ZNF77: variants seen among roughly 807,000 people sequenced by gnomAD.
ZNF77 encodes the protein ZNFpT1.
ZNF77 carries 15 observed loss-of-function variants against 13.5 expected under a neutral mutation model. The observed-to-expected ratio is 1.11, with a 90% CI of 0.74 to 1.71. ZNF77 has a LOEUF of 1.71. ZNF77 is among the 40% of genes most tolerant of loss of function. The pLI is 0.00. For synonymous variants in ZNF77, 282 were observed against 250.0 expected, an observed-to-expected ratio of 1.13 and a Z score of -1.21; for missense variants, 717 against 676.4, an observed-to-expected ratio of 1.06 and a Z score of -0.67.
chr19:2,939,745 G>A (rs1469498906), intron 1 of ZNF77: 11 of 299,342 alleles, frequency 3.7e-5, no homozygotes, highest in South Asian at 1.0e-4. Flanking sequence ...GCTCAGGTGC[G>A]AGGATTGCTT....
Position 2,933,264 on chromosome 19 carries a change from CA to C in ZNF77, c.*224del. The stretch of plus-strand genomic sequence containing the variant: ...ATTTATTAAATGTTTATATCACAAA[CA>C]TACACTAGAAATTAATACAAAAGGA... On this transcript the variant is annotated 3_prime_UTR_variant, in exon 4 of 4. Coordinates refer to ENST00000314531, the MANE Select transcript of ZNF77 (RefSeq NM_021217.3). 2.3e-6 allele frequency: 1 copy of C among 428,568 alleles called. No individual in the cohort carries two copies. Among genetic ancestry groups the C allele is most frequent in the Non-Finnish European group, 4.1e-6 (1 of 246,142 alleles). The allele number at this position is 428,568 out of a possible 1,614,324, so 26.5% of individuals were successfully genotyped here.
chr19:2,938,216 AT>A (rs1284101822), intron 2 of ZNF77, among the ~76,000 whole-genome samples: 3 of 152,156 alleles, frequency 2.0e-5, no homozygotes, highest in Non-Finnish European at 4.4e-5. Context: ...AGCACCACCC[AT>A]TCCTGGAGAA....
At chr19:2,942,108 G>A (rs1230470924) in intron 1 of ZNF77, among the ~76,000 whole-genome samples, 2 of 149,546 alleles carry the variant, frequency 1.3e-5, no homozygotes, top group East Asian at 2.0e-4. Flanking sequence ...GTCTTGCTCC[G>A]TCTCCCAGGC....
Position 2,934,738 on chromosome 19 carries a change from A to C in ZNF77, c.389T>G (p.Leu130Arg). 4.3e-6 allele frequency: 7 copies of C among 1,614,206 alleles called. No individual in the cohort carries two copies. The highest frequency in any genetic ancestry group is 5.1e-6 in the Non-Finnish European group (6 of 1,180,028). The change falls in exon 4 of 4, where the codon CTT (leucine) becomes CGT (arginine). Residue 130 changes from leucine (L) to arginine (R), a missense_variant. Transcript: ENST00000314531. ...GETLSQTANL[L>R]VHKSYPTEAK... ...TTCGGTAGGGTAACTCTTGTGCACAAGAAGGTTCGCAGTCTGGCTCAAGGT... is the reference window on the plus strand; with the variant it reads ...TTCGGTAGGGTAACTCTTGTGCACACGAAGGTTCGCAGTCTGGCTCAAGGT...
In ZNF77 at chr19:2,934,409, G is replaced by C. The variant is rs1452369934; in HGVS notation, c.718C>G (p.His240Asp). 1 of 1,614,156 alleles carries C rather than the reference G, an allele frequency of 6.2e-7. No individual in the cohort carries two copies. Among genetic ancestry groups the C allele is most frequent in the East Asian group, 2.2e-5 (1 of 44,890 alleles). The change falls in exon 4 of 4, where the codon CAT (histidine) becomes GAT (aspartate). Residue 240 changes from histidine to aspartate, a missense_variant. Transcript: ENST00000314531. ...GTCTTCCCACATACTTTACATGCAT[G>C]GGTTTTCTGCCCATGATGACTATTC... ...HVNSHHGQKT[H>D]ACKVCGKTFM... is the part of the protein sequence containing the mutation.
chr19:2,938,989 G>T (rs1301664491), intron 2 of ZNF77, among the ~76,000 whole-genome samples: 1 of 151,772 alleles, frequency 6.6e-6, no homozygotes, highest in African/African-American at 2.4e-5. Flanking sequence ...GAAAACCAAG[G>T]TCTCTTTGCT....
At position 2,934,436 on chromosome 19, in the gene ZNF77, C is replaced by T. The variant is rs1307920121; in HGVS notation, c.691G>A (p.Val231Met). 6.2e-7 allele frequency: 1 copy of T among 1,614,118 alleles called. No homozygotes were observed. The highest frequency in any genetic ancestry group is 8.5e-7 in the Non-Finnish European group (1 of 1,180,050). Residue 231 changes from valine (V) to methionine (M), a missense_variant, in exon 4 of 4, where the codon GTG becomes ATG. Coordinates refer to ENST00000314531, the MANE Select transcript of ZNF77 (RefSeq NM_021217.3). ...GTTTTCTGCCCATGATGACTATTCA[C>T]ATGTCCCCTGAAAGATGAGGGACAA... Reference protein sequence around the residue: ...FICPSSFRGHVNSHHGQKTHA... With the variant: ...FICPSSFRGHMNSHHGQKTHA...
rs1479563411 is a variant in ZNF77, at chr19:2,933,669, G to A, written c.1458C>T (p.His486=). ...TACATTCGTAGGGTTTGACCCCACT[G>A]TGTGATCTCACATGCTTTTGAAAGT... ...AQYFQKHVRS[H]SGVKPYECTE... is the part of the protein sequence containing the mutation. The change falls in exon 4 of 4, where the codon CAC becomes CAT. Residue 486 remains histidine (H), a synonymous_variant. Coordinates refer to ENST00000314531, the MANE Select transcript of ZNF77 (RefSeq NM_021217.3). 5 of 1,613,146 alleles carry A rather than the reference G, an allele frequency of 3.1e-6. No homozygotes were observed. Among genetic ancestry groups the A allele is most frequent in the South Asian group, 2.2e-5 (2 of 91,018 alleles).
chr19:2,938,771 A>G (rs551467181), intron 2 of ZNF77, among the ~76,000 whole-genome samples: 4 of 152,214 alleles, frequency 2.6e-5, no homozygotes, highest in East Asian at 3.9e-4. Flanking sequence ...CCTGGCTAAC[A>G]CGGTGAAACC....
At chr19:2,939,514 T>C in intron 1 of ZNF77, 107 bp from the exon 2 acceptor site, 1 of 1,520,852 alleles carries the variant, frequency 6.6e-7, no homozygotes, top group Non-Finnish European at 8.9e-7. Context: ...ACAGAGCTTA[T>C]GTCCTTGTGA....
chr19:2,933,912 C>T lies in ZNF77; in HGVS notation c.1215G>A (p.Val405=). ...CACACTCTTTACATTGATAGGGCTTCACCCCGCTGTGTGTTTTCACATGTC... is the reference window on the plus strand; with the variant it reads ...CACACTCTTTACATTGATAGGGCTTTACCCCGCTGTGTGTTTTCACATGTC... ...FRRHVKTHSG[V]KPYQCKECGK... Residue 405 remains valine, a synonymous_variant, in exon 4 of 4, where the codon GTG becomes GTA. Transcript: ENST00000314531. 1 of 1,613,712 alleles carries T rather than the reference C, an allele frequency of 6.2e-7. No homozygotes were observed. Among genetic ancestry groups the T allele is most frequent in the Non-Finnish European group, 8.5e-7 (1 of 1,179,976 alleles).
intron 1 of ZNF77, among the ~76,000 whole-genome samples, chr19:2,943,267 C>A (rs1462929784): frequency 1.3e-5 from 2 of 151,612 alleles, no homozygotes; most frequent in Non-Finnish European, 2.9e-5. Context: ...TGCCTCTAAT[C>A]CAACTAACCC....
chr19:2,939,093 ACGC>A, intron 2 of ZNF77, among the ~76,000 whole-genome samples, 185 bp downstream of exon 2: 1 of 113,198 alleles, frequency 8.8e-6, no homozygotes, highest in Non-Finnish European at 2.0e-5. Flanking sequence ...TGAGGGAATG[ACGC>A]CACCCTTACC....
At chr19:2,935,983 C>G (rs2088392890) in intron 3 of ZNF77, among the ~76,000 whole-genome samples, 1 of 151,458 alleles carries the variant, frequency 6.6e-6, no homozygotes, top group African/African-American at 2.4e-5. Context: ...TGCCACTGCA[C>G]TTCAGCCTGG....
At position 2,936,533 on chromosome 19, in the gene ZNF77, C is replaced by T; in HGVS notation, c.302G>A (p.Arg101Lys). ...GTTGAGCGCCACTCACCTCAGATGCCTCTGTGGGATTTGGTGCTGATCTCC... is the reference window on the plus strand; with the variant it reads ...GTTGAGCGCCACTCACCTCAGATGCTTCTGTGGGATTTGGTGCTGATCTCC... ...NTGDQHQIPQRHLRSQLGRLC... is the reference protein window; with the variant it reads ...NTGDQHQIPQKHLRSQLGRLC... The change falls in exon 3 of 4, where the codon AGG becomes AAG. Residue 101 changes from arginine (R) to lysine (K), a missense_variant. Physicochemically the swap from Arg to Lys is conservative, Grantham distance 26 (BLOSUM62 2). Transcript: ENST00000314531. The T allele has an allele frequency of 1.9e-6, 3 of 1,601,162 alleles. No individual in the cohort carries two copies. Among genetic ancestry groups the T allele is most frequent in the South Asian group, 2.3e-5 (2 of 88,148 alleles).
intron 1 of ZNF77, among the ~76,000 whole-genome samples, chr19:2,941,305 G>A (rs944358480): frequency 4.6e-5 from 7 of 150,974 alleles, no homozygotes; most frequent in African/African-American, 7.3e-5. Context: ...TGGTGAAACC[G>A]CACCGCTACT....
chr19:2,940,397 G>A (rs115805239), intron 1 of ZNF77, among the ~76,000 whole-genome samples: 2,023 of 151,928 alleles, frequency 0.013, 66 homozygotes, highest in African/African-American at 0.045. Context: ...AGGATAGGCC[G>A]GGCGTGGTGG....
In ZNF77 at chr19:2,933,917, C is replaced by T. The variant is rs745703143; in HGVS notation, c.1210G>A (p.Gly404Arg). Residue 404 changes from glycine to arginine, a missense_variant, in exon 4 of 4, where the codon GGG (glycine) becomes AGG (arginine). By Grantham distance (125) the Gly-to-Arg change is moderately radical (BLOSUM62 -2). Transcript: ENST00000314531. ...TCTTTACATTGATAGGGCTTCACCC[C>T]GCTGTGTGTTTTCACATGTCTTCTA... ...YFRRHVKTHS[G>R]VKPYQCKECG... 1.7e-5 allele frequency: 28 copies of T among 1,613,772 alleles called. No individual in the cohort carries two copies. Among genetic ancestry groups the T allele is most frequent in the Middle Eastern group, 1.6e-4 (1 of 6,062 alleles).
At chr19:2,944,700 C>T in intron 1 of ZNF77, 138 bp downstream of exon 1, 1 of 1,270,940 alleles carries the variant, frequency 7.9e-7, no homozygotes, top group Non-Finnish European at 1.0e-6. Flanking sequence ...GCTGTGACCA[C>T]GTCCCCGGGG....
Sources: gnomAD v4.1 joint callset for allele counts (sites outside exome capture counted in the v4.1 genomes callset) on GRCh38, gnomAD v4.1.1 for gene constraint, MANE v1.5 for transcripts, NCBI Gene and HGNC (gene_info 2026-07-23, HGNC 2026-07-21) for gene names.